The following CACNG3 variants were observed in gnomAD, a reference collection of about 807,000 sequenced individuals.
CACNG3 encodes voltage-dependent calcium channel gamma-3 subunit.
Under a neutral mutation model 28.5 loss-of-function variants are expected in CACNG3, and 3 were observed. The observed-to-expected ratio is 0.11, with a 90% CI of 0.05 to 0.27. The LOEUF (loss-of-function observed/expected upper bound fraction) is 0.27. Ranked by LOEUF, CACNG3 falls within the 10% of genes least tolerant of loss-of-function variation. CACNG3 has a pLI of 1.00. For synonymous variants in CACNG3, 174 were observed against 162.2 expected (o/e 1.07, Z -0.55); for missense variants, 236 against 414.4 (o/e 0.57, Z 3.74).
intron 3 of CACNG3, among the ~76,000 whole-genome samples, chr16:24,358,219 T>G (rs1387823161): frequency 6.6e-6 from 1 of 152,258 alleles, no homozygotes; most frequent in East Asian, 1.9e-4. Context: ...GAGCACCTAC[T>G]ACGTGTCAGA....
chr16:24,310,931 C>A (rs1899252942), intron 1 of CACNG3, among the ~76,000 whole-genome samples: 1 of 152,200 alleles, frequency 6.6e-6, no homozygotes, highest in Non-Finnish European at 1.5e-5. Flanking sequence ...CTCCAGGAAG[C>A]TACTCTGCTG....
Position 24,256,503 on chromosome 16 carries a change from C to T in CACNG3, c.-252C>T. Reference sequence around the variant, plus strand: ...GGAATGAAAGGAACCCAGGGACCCTCAGAAGGCAGCAGTGATGCGGACCAA... The same window carrying T: ...GGAATGAAAGGAACCCAGGGACCCTTAGAAGGCAGCAGTGATGCGGACCAA... On this transcript the variant is annotated 5_prime_UTR_variant, in exon 1 of 4. Transcript: ENST00000005284. The surrounding 1 kb of genome is among the most constrained non-coding windows in gnomAD (Gnocchi z 4.6). 2.0e-6 allele frequency: 1 copy of T among 493,522 alleles called. No individual in the cohort carries two copies. The highest frequency in any genetic ancestry group is 3.6e-6 in the Non-Finnish European group (1 of 274,012). The allele number at this position is 493,522 out of a possible 1,614,324, so 30.6% of individuals were successfully genotyped here. A position where few individuals can be genotyped will look rare whatever the true frequency, so the allele number is the denominator to read the frequency against.
At chr16:24,288,223 G>GTGA (rs1015330421) in intron 1 of CACNG3, among the ~76,000 whole-genome samples, 2 of 152,154 alleles carry the variant, frequency 1.3e-5, no homozygotes, top group Non-Finnish European at 2.9e-5. Flanking sequence ...GATAATGATA[G>GTGA]TGATGATGAT....
intron 1 of CACNG3, among the ~76,000 whole-genome samples, chr16:24,288,199 G>A (rs1898918638): frequency 6.6e-6 from 1 of 152,178 alleles, no homozygotes; most frequent in South Asian, 2.1e-4. Context: ...GATGGTGATG[G>A]TGATGGTGAT....
At chr16:24,348,516 CA>C (rs1375209533) in intron 2 of CACNG3, among the ~76,000 whole-genome samples, 1 of 152,156 alleles carries the variant, frequency 6.6e-6, no homozygotes, top group Non-Finnish European at 1.5e-5. Context: ...GTACCCAGCT[CA>C]AAGAGGAGAG....
chr16:24,257,197 C>T (rs1447805115), intron 1 of CACNG3, among the ~76,000 whole-genome samples: 1 of 152,010 alleles, frequency 6.6e-6, no homozygotes, highest in African/African-American at 2.4e-5. Flanking sequence ...TTTTGTCACA[C>T]TCTAGGCAGC....
At chr16:24,347,762 G>A (rs1899889194) in intron 2 of CACNG3, among the ~76,000 whole-genome samples, 1 of 152,228 alleles carries the variant, frequency 6.6e-6, no homozygotes, top group Admixed American at 6.5e-5. Flanking sequence ...GAATGTGGTG[G>A]CTTTGAGCCA....
chr16:24,329,536 G>C (rs1343682339), intron 1 of CACNG3, among the ~76,000 whole-genome samples: 1 of 152,206 alleles, frequency 6.6e-6, no homozygotes, highest in Non-Finnish European at 1.5e-5. Flanking sequence ...ACATGTTTAT[G>C]TAGTTTGCAG....
intron 1 of CACNG3, among the ~76,000 whole-genome samples, chr16:24,317,614 G>GGA (rs1555460552): frequency 0.011 from 743 of 65,954 alleles, 23 homozygotes; most frequent in Middle Eastern, 0.029. Context: ...AAGAAAGAAA[G>GGA]AAAGAAAGAA....
At chr16:24,264,784 G>T (rs1432034302) in intron 1 of CACNG3, among the ~76,000 whole-genome samples, 1 of 152,194 alleles carries the variant, frequency 6.6e-6, no homozygotes, top group Non-Finnish European at 1.5e-5. Context: ...AAGTGACTGG[G>T]AAGTTATGAA....
At chr16:24,292,106 G>C (rs1027953990) in intron 1 of CACNG3, among the ~76,000 whole-genome samples, 1 of 152,114 alleles carries the variant, frequency 6.6e-6, no homozygotes. Context: ...GCGGATAACC[G>C]GGCAGGCGGA....
chr16:24,334,200 T>A (rs150756311), intron 1 of CACNG3, among the ~76,000 whole-genome samples: 1 of 152,332 alleles, frequency 6.6e-6, no homozygotes, highest in East Asian at 1.9e-4. Flanking sequence ...TAGGTTCCTG[T>A]TGGCCTCTGT....
At chr16:24,263,290 C>T (rs1898559122) in intron 1 of CACNG3, among the ~76,000 whole-genome samples, 1 of 152,022 alleles carries the variant, frequency 6.6e-6, no homozygotes, top group African/African-American at 2.4e-5. Flanking sequence ...AAAAATAGAA[C>T]ATCCTCCTTT....
At chr16:24,257,371 GAGAGAGAGAGAGAGAGAGA>G (rs1898476028) in intron 1 of CACNG3, among the ~76,000 whole-genome samples, 9 of 8,792 alleles carry the variant, frequency 1.0e-3, no homozygotes, top group African/African-American at 3.4e-3. Context: ...TGAGGGGGGA[GAGAGAGAGAGAGAGAGAGA>G]GAGAGAGAGA....
intron 1 of CACNG3, among the ~76,000 whole-genome samples, chr16:24,300,888 A>G (rs1278411428): frequency 6.6e-6 from 1 of 152,066 alleles, no homozygotes; most frequent in African/African-American, 2.4e-5. Context: ...ATCTCTATGA[A>G]AAATACAAAA....
chr16:24,273,840 A>G (rs1020526330), intron 1 of CACNG3, among the ~76,000 whole-genome samples: 1 of 152,174 alleles, frequency 6.6e-6, no homozygotes, highest in African/African-American at 2.4e-5. Flanking sequence ...GATGGACTCA[A>G]GGAGTTTTTT....
intron 1 of CACNG3, among the ~76,000 whole-genome samples, chr16:24,328,000 A>G (rs531510657): frequency 2.0e-5 from 3 of 152,284 alleles, no homozygotes; most frequent in South Asian, 4.1e-4. Flanking sequence ...CATCCCATAC[A>G]TTCATTTGTC....
intron 1 of CACNG3, among the ~76,000 whole-genome samples, chr16:24,291,189 ATAGT>A (rs768133164): frequency 2.8e-4 from 42 of 152,216 alleles, no homozygotes; most frequent in Non-Finnish European, 5.7e-4. Flanking sequence ...GTTTTGGCAC[ATAGT>A]TAGCCCTCAA....
At chr16:24,258,230 T>G (rs1455657018) in intron 1 of CACNG3, among the ~76,000 whole-genome samples, 1 of 152,226 alleles carries the variant, frequency 6.6e-6, no homozygotes, top group Non-Finnish European at 1.5e-5. Flanking sequence ...TAATATTGCA[T>G]CATTCTCTGG....
Sources: allele counts gnomAD v4.1 joint callset (sites outside exome capture counted in the v4.1 genomes callset), GRCh38; gene constraint gnomAD v4.1.1; non-coding constraint Gnocchi (gnomAD v3.1); transcripts MANE v1.5; gene names NCBI Gene and HGNC (gene_info 2026-07-23, HGNC 2026-07-21).